IMMP2L: variants seen among roughly 807,000 people sequenced by gnomAD.
The protein encoded by IMMP2L is mitochondrial inner membrane protease subunit 2.
In IMMP2L, 18 loss-of-function variants were observed where a neutral mutation model predicts 19.3. The ratio of observed to expected loss-of-function variants is 0.93; its 90% CI spans 0.64 to 1.38. The LOEUF is 1.38. Among genes scored for constraint, IMMP2L ranks in the 40% most tolerant of loss-of-function variants. The probability of loss-of-function intolerance (pLI) is 0.00; values close to 1 mark genes in which losing one functional copy is unlikely to be tolerated. For synonymous variants in IMMP2L, 76 were observed against 73.0 expected (o/e 1.04, Z -0.21); for missense variants, 233 against 218.2 (o/e 1.07, Z -0.43).
intron 3 of IMMP2L, among the ~76,000 whole-genome samples, chr7:111,473,457 C>A (rs115134770): frequency 0.02 from 3,078 of 152,166 alleles, 105 homozygotes; most frequent in African/African-American, 0.07. Context: ...TCAAGTTTTC[C>A]TTGGTTGTAT....
intron 5 of IMMP2L, among the ~76,000 whole-genome samples, chr7:110,834,905 C>T (rs929479824): frequency 2.6e-5 from 4 of 152,102 alleles, no homozygotes; most frequent in African/African-American, 7.2e-5. Context: ...CTTTTTCCCA[C>T]CTGCCAGGGG....
chr7:111,102,863 A>G (rs1285686092), intron 3 of IMMP2L, among the ~76,000 whole-genome samples: 2 of 151,558 alleles, frequency 1.3e-5, no homozygotes, highest in Non-Finnish European at 3.0e-5. Flanking sequence ...CAATCTTTGA[A>G]ATTATAAATC....
chr7:110,669,290 T>C lies in IMMP2L; in HGVS notation c.409-5569A>G, dbSNP rs536775169. ...CTGGTGAACCAGGAAGAGTCAATGTTGCAGGTGAGGTCTGAAGACGATCTG... is the reference window on the plus strand; with the variant it reads ...CTGGTGAACCAGGAAGAGTCAATGTCGCAGGTGAGGTCTGAAGACGATCTG... On this transcript the variant is annotated intron_variant, in intron 5 of 5. Transcript: ENST00000405709. Among the ~76,000 whole-genome samples the C allele has an allele frequency of 2.0e-5, 3 of 152,252 alleles. No individual in the cohort carries two copies. In the East Asian group the frequency reaches 5.8e-4, roughly 29 times the overall value.
intron 4 of IMMP2L, among the ~76,000 whole-genome samples, chr7:110,952,505 C>A (rs1817935310): frequency 6.6e-6 from 1 of 152,124 alleles, no homozygotes; most frequent in Non-Finnish European, 1.5e-5. Flanking sequence ...AGGAGAACTT[C>A]ATAATGTCCA....
chr7:110,774,786 A>T (rs1216605175), intron 5 of IMMP2L, among the ~76,000 whole-genome samples: 2 of 152,082 alleles, frequency 1.3e-5, no homozygotes, highest in Admixed American at 6.6e-5. Flanking sequence ...GTTTGTGTAC[A>T]TGTGCTATAT....
At chr7:110,989,265 G>A (rs1213880333) in intron 3 of IMMP2L, among the ~76,000 whole-genome samples, 1 of 151,902 alleles carries the variant, frequency 6.6e-6, no homozygotes, top group Non-Finnish European at 1.5e-5. Context: ...GGCCAGCTGT[G>A]GTGACTCATG....
At chr7:111,325,784 C>T (rs1825254743) in intron 3 of IMMP2L, among the ~76,000 whole-genome samples, 2 of 151,552 alleles carry the variant, frequency 1.3e-5, no homozygotes, top group Admixed American at 1.3e-4. Context: ...TTCCCTTGAC[C>T]CCTTTTCCAT....
intron 3 of IMMP2L, among the ~76,000 whole-genome samples, chr7:111,051,335 T>C (rs1461243623): frequency 6.6e-6 from 1 of 152,164 alleles, no homozygotes; most frequent in Non-Finnish European, 1.5e-5. Flanking sequence ...ATATTTTCCC[T>C]GGGGAGCATA....
chr7:110,894,791 A>G (rs1348060874), intron 4 of IMMP2L, among the ~76,000 whole-genome samples: 1 of 152,000 alleles, frequency 6.6e-6, no homozygotes, highest in Non-Finnish European at 1.5e-5. Flanking sequence ...AATCACAAAG[A>G]TTTTTCTCCT....
intron 1 of IMMP2L, among the ~76,000 whole-genome samples, chr7:111,523,142 G>C (rs902775008): frequency 1.3e-5 from 2 of 151,772 alleles, no homozygotes; most frequent in South Asian, 2.1e-4. Flanking sequence ...AGGAGAGGTT[G>C]GGGAGATGTT....
chr7:110,723,714 C>G (rs1795716856), intron 5 of IMMP2L, among the ~76,000 whole-genome samples: 1 of 152,062 alleles, frequency 6.6e-6, no homozygotes, highest in Non-Finnish European at 1.5e-5. Flanking sequence ...TTTATATCCT[C>G]TGGTTATGGC....
At chr7:111,011,274 A>G (rs572566808) in intron 3 of IMMP2L, among the ~76,000 whole-genome samples, 3 of 152,168 alleles carry the variant, frequency 2.0e-5, no homozygotes, top group Non-Finnish European at 4.4e-5. Flanking sequence ...TGAGAGCAGT[A>G]TTCATTACTA....
At chr7:111,145,864 G>C (rs1198844867) in intron 3 of IMMP2L, among the ~76,000 whole-genome samples, 1 of 152,078 alleles carries the variant, frequency 6.6e-6, no homozygotes, top group Non-Finnish European at 1.5e-5. Flanking sequence ...GGATGCATTT[G>C]GCAAATTGTG....
Position 110,814,166 on chromosome 7 carries a change from T to A in IMMP2L, c.408+72427A>T, listed in dbSNP as rs547492647. Among the ~76,000 whole-genome samples the A allele has an allele frequency of 2.6e-5, 4 of 152,100 alleles. No individual in the cohort carries two copies. The South Asian group carries it at 8.3e-4, about 32-fold the overall frequency. On this transcript the variant is annotated intron_variant, in intron 5 of 5. Coordinates refer to ENST00000405709, the MANE Select transcript of IMMP2L (RefSeq NM_032549.4). ...GTTTTCAGGAGCAGTTCTAAACGCATAGTCAAGCAACATTCCAAATTCCAT... is the reference window on the plus strand; with the variant it reads ...GTTTTCAGGAGCAGTTCTAAACGCAAAGTCAAGCAACATTCCAAATTCCAT...
At chr7:111,208,276 A>G (rs531393394) in intron 3 of IMMP2L, among the ~76,000 whole-genome samples, 4 of 152,202 alleles carry the variant, frequency 2.6e-5, no homozygotes, top group Admixed American at 2.6e-4. Flanking sequence ...AATTTCATTG[A>G]TACAATTATT....
At chr7:111,106,990 CA>C (rs937685740) in intron 3 of IMMP2L, among the ~76,000 whole-genome samples, 49 of 151,688 alleles carry the variant, frequency 3.2e-4, no homozygotes, top group African/African-American at 1.1e-3. Context: ...TATTAAAATG[CA>C]AAAACAATTA....
intron 3 of IMMP2L, among the ~76,000 whole-genome samples, chr7:111,151,966 T>G (rs571882919): frequency 2.6e-5 from 4 of 152,078 alleles, no homozygotes; most frequent in African/African-American, 7.2e-5. Flanking sequence ...AAAACAATAT[T>G]TGAGATTAAG....
chr7:111,178,321 A>G (rs559855602), intron 3 of IMMP2L, among the ~76,000 whole-genome samples: 3 of 152,220 alleles, frequency 2.0e-5, no homozygotes, highest in African/African-American at 2.4e-5. Flanking sequence ...AAATGCTAAC[A>G]ATCATCTGAG....
chr7:111,045,363 T>C (rs561887583), intron 3 of IMMP2L, among the ~76,000 whole-genome samples: 2 of 152,218 alleles, frequency 1.3e-5, no homozygotes, highest in African/African-American at 4.8e-5. Flanking sequence ...TACTACCCTT[T>C]CTCATCTGGA....
Sources: gnomAD v4.1 joint callset for allele counts (sites outside exome capture counted in the v4.1 genomes callset) on GRCh38, gnomAD v4.1.1 for gene constraint, MANE v1.5 for transcripts, NCBI Gene and HGNC (gene_info 2026-07-23, HGNC 2026-07-21) for gene names.